Variants in CNTNAP2 observed in about 807,000 individuals in gnomAD.
CNTNAP2 encodes contactin associated protein 2, also known as contactin-associated protein-like 2.
CNTNAP2 carries 98 observed loss-of-function variants against 155.2 expected under a neutral mutation model. The ratio of observed to expected loss-of-function variants is 0.63; its 90% CI spans 0.54 to 0.75. CNTNAP2 has a LOEUF of 0.75. CNTNAP2 is among the 30% of genes least tolerant of loss of function. CNTNAP2 has a pLI of 0.00. For synonymous variants in CNTNAP2, 651 were observed against 631.2 expected, an observed-to-expected ratio of 1.03 and a Z score of -0.47; for missense variants, 1,727 against 1,688.1, an observed-to-expected ratio of 1.02 and a Z score of -0.40.
At chr7:148,120,642 G>A (rs1480637386) in intron 16 of CNTNAP2, among the ~76,000 whole-genome samples, 1 of 152,162 alleles carries the variant, frequency 6.6e-6, no homozygotes, top group African/African-American at 2.4e-5. Flanking sequence ...TGAAAACCAT[G>A]TGGCCCATGG....
intron 13 of CNTNAP2, chr7:147,850,076 T>C (rs905561031): frequency 6.6e-6 from 1 of 152,182 alleles, no homozygotes; most frequent in Non-Finnish European, 1.5e-5. Flanking sequence ...AGGCAACATT[T>C]TAAGACCATT....
intron 3 of CNTNAP2, among the ~76,000 whole-genome samples, chr7:146,925,374 A>C (rs754592276): frequency 3.9e-5 from 6 of 152,138 alleles, no homozygotes; most frequent in Non-Finnish European, 7.4e-5. Context: ...ATTATTATTA[A>C]GAAGAGCAAG....
chr7:148,106,586 C>T (rs976606309), intron 15 of CNTNAP2, among the ~76,000 whole-genome samples: 1 of 150,306 alleles, frequency 6.7e-6, no homozygotes, highest in Admixed American at 6.6e-5. Flanking sequence ...GTCTCAAACT[C>T]CTGGGCTCAA....
intron 13 of CNTNAP2, among the ~76,000 whole-genome samples, chr7:147,647,212 A>G (rs1426864025): frequency 2.7e-5 from 4 of 150,500 alleles, no homozygotes; most frequent in African/African-American, 4.9e-5. Context: ...TGTTGCCCAG[A>G]CTGGTCTAGA....
At chr7:147,772,059 A>G (rs1797478613) in intron 13 of CNTNAP2, among the ~76,000 whole-genome samples, 1 of 152,130 alleles carries the variant, frequency 6.6e-6, no homozygotes, top group Non-Finnish European at 1.5e-5. Context: ...AAGCCATAAA[A>G]TTATATTTTA....
intron 1 of CNTNAP2, among the ~76,000 whole-genome samples, chr7:146,476,042 T>C (rs969212442): frequency 6.6e-6 from 1 of 152,192 alleles, no homozygotes. Flanking sequence ...CACAGGTGGT[T>C]GTTGAAACCG....
chr7:146,641,379 G>A (rs915969594), intron 1 of CNTNAP2, among the ~76,000 whole-genome samples: 7 of 152,062 alleles, frequency 4.6e-5, no homozygotes, highest in African/African-American at 1.7e-4. Flanking sequence ...ACTTCTTCCA[G>A]AAGCAGAAAA....
intron 13 of CNTNAP2, among the ~76,000 whole-genome samples, chr7:147,763,677 A>G (rs968943148): frequency 3.9e-5 from 6 of 152,124 alleles, no homozygotes; most frequent in African/African-American, 1.4e-4. Context: ...GGCATTGACT[A>G]TAAGGGCAAG....
chr7:146,397,786 C>A (rs895352602), intron 1 of CNTNAP2, among the ~76,000 whole-genome samples: 1 of 151,176 alleles, frequency 6.6e-6, no homozygotes, highest in Admixed American at 6.6e-5. Context: ...AGAGAAAGAA[C>A]AAAATTTGAG....
chr7:148,280,233 G>A (rs113129581), intron 21 of CNTNAP2, among the ~76,000 whole-genome samples: 46 of 152,040 alleles, frequency 3.0e-4, no homozygotes, highest in Non-Finnish European at 5.6e-4. Context: ...GCTTGAGCCC[G>A]GGAGACAGAG....
chr7:147,301,592 C>CTGTGTGTGTGTG (rs10585570), intron 9 of CNTNAP2, among the ~76,000 whole-genome samples: 4 of 101,770 alleles, frequency 3.9e-5, no homozygotes, highest in Non-Finnish European at 2.2e-5. Context: ...CTCTCTCTCT[C>CTGTGTGTGTGTG]TGTGTGTGTG....
intron 1 of CNTNAP2, among the ~76,000 whole-genome samples, chr7:146,363,877 A>G (rs1795119564): frequency 6.6e-6 from 1 of 152,200 alleles, no homozygotes; most frequent in Non-Finnish European, 1.5e-5. Context: ...GGGATGCCGA[A>G]GAGAAAATGA....
intron 14 of CNTNAP2, among the ~76,000 whole-genome samples, chr7:147,921,273 A>T (rs1389986384): frequency 6.6e-6 from 1 of 152,176 alleles, no homozygotes; most frequent in Non-Finnish European, 1.5e-5. Flanking sequence ...TGCTGTCCAC[A>T]CCGTACTTAA....
At chr7:148,295,031 CAA>C (rs1429793769) in intron 21 of CNTNAP2, among the ~76,000 whole-genome samples, 1 of 152,092 alleles carries the variant, frequency 6.6e-6, no homozygotes. Context: ...CGAGAAATCA[CAA>C]TTTTTGCAAA....
chr7:147,197,009 A>G (rs1802815614), intron 8 of CNTNAP2, among the ~76,000 whole-genome samples: 1 of 152,100 alleles, frequency 6.6e-6, no homozygotes, highest in South Asian at 2.1e-4. Context: ...GGAAAACCCC[A>G]ACTTTCCACA....
chr7:146,765,255 G>A (rs942809291), intron 1 of CNTNAP2, among the ~76,000 whole-genome samples: 24 of 152,070 alleles, frequency 1.6e-4, no homozygotes, highest in Non-Finnish European at 1.9e-4. Flanking sequence ...TATAATTCAG[G>A]GGTTCCAAAT....
At chr7:147,643,442 G>A (rs1267394966) in intron 13 of CNTNAP2, 2 of 152,286 alleles carry the variant, frequency 1.3e-5, no homozygotes, top group South Asian at 2.1e-4. Flanking sequence ...GAGACAGCAA[G>A]TTCCTTGTAT....
chr7:147,464,908 A>G (rs997684785), intron 10 of CNTNAP2, among the ~76,000 whole-genome samples: 4 of 152,240 alleles, frequency 2.6e-5, no homozygotes, highest in Non-Finnish European at 5.9e-5. Flanking sequence ...AGGCTCAATT[A>G]TAATGATTCT....
intron 11 of CNTNAP2, among the ~76,000 whole-genome samples, chr7:147,511,116 C>T (rs916483812): frequency 8.6e-5 from 13 of 151,934 alleles, no homozygotes; most frequent in Admixed American, 5.9e-4. Context: ...TTATTTCCCA[C>T]TGTTCTGAAG....
Sources: allele counts gnomAD v4.1 joint callset (sites outside exome capture counted in the v4.1 genomes callset), GRCh38; gene constraint gnomAD v4.1.1; transcripts MANE v1.5; gene names NCBI Gene and HGNC (gene_info 2026-07-23, HGNC 2026-07-21).